Variants in SIN3A observed in about 807,000 individuals in gnomAD.
The protein encoded by SIN3A is SIN3 transcription regulator family member A.
Under a neutral mutation model 146.1 loss-of-function variants are expected in SIN3A, and 14 were observed. That is an observed-to-expected ratio of 0.10 (90% confidence interval 0.06 to 0.15). The LOEUF (loss-of-function observed/expected upper bound fraction) is 0.15, where lower values mean the gene tolerates loss of function less well. Ranked by LOEUF, SIN3A falls within the 10% of genes least tolerant of loss-of-function variation. The probability of loss-of-function intolerance (pLI) is 1.00; values close to 1 mark genes in which losing one functional copy is unlikely to be tolerated. For missense variants in SIN3A, 1,028 were observed against 1,576.0 expected (o/e 0.65, Z 5.89); for synonymous variants, 572 against 572.0 (o/e 1.00, Z 0.00).
chr15:75,370,755 A>G lies in SIN3A; in HGVS notation c.*1224T>C, dbSNP rs1420512316. On this transcript the variant is annotated 3_prime_UTR_variant, in exon 21 of 21. Coordinates refer to ENST00000394947, the MANE Select transcript of SIN3A (RefSeq NM_001145358.2). The stretch of plus-strand genomic sequence containing the variant: ...ATTTTCAGATTATTTGAACAAGGGA[A>G]AAAAACACGTACTAAAAGACTTAAG... 6.6e-6 allele frequency: 1 copy of G among 152,196 alleles called. No homozygotes were observed. Among genetic ancestry groups the G allele is most frequent in the Non-Finnish European group, 1.5e-5 (1 of 68,034 alleles). 9.4% of individuals were successfully genotyped at this position (152,196 alleles called of 1,614,324 possible).
chr15:75,437,477 T>C (rs1044907710), intron 1 of SIN3A, among the ~76,000 whole-genome samples: 1 of 152,158 alleles, frequency 6.6e-6, no homozygotes, highest in Non-Finnish European at 1.5e-5. Context: ...AGACCCCTCT[T>C]TTTTTGAGGG....
At chr15:75,373,526 A>G (rs1274155776) in intron 20 of SIN3A, among the ~76,000 whole-genome samples, 3 of 152,156 alleles carry the variant, frequency 2.0e-5, no homozygotes, top group Non-Finnish European at 4.4e-5. Context: ...ACCCTTTATG[A>G]TGAGCCACAA....
At chr15:75,399,122 G>GT (rs1478281484) in intron 12 of SIN3A, among the ~76,000 whole-genome samples, 1 of 151,918 alleles carries the variant, frequency 6.6e-6, no homozygotes, top group Non-Finnish European at 1.5e-5. Flanking sequence ...GGGGTCTGAG[G>GT]TGGGAGGATC....
chr15:75,454,089 C>T (rs1221340768), upstream of SIN3A: 2 of 152,192 alleles, frequency 1.3e-5, no homozygotes, highest in Non-Finnish European at 2.9e-5. Flanking sequence ...GGGCTACCCG[C>T]CCCACCAATC....
rs59183656 is a variant in SIN3A, at chr15:75,370,963, C to CA, written c.*1015dup. On this transcript the variant is annotated 3_prime_UTR_variant, in exon 21 of 21. Coordinates refer to ENST00000394947, the MANE Select transcript of SIN3A (RefSeq NM_001145358.2). ...GTAAGAACCAAGCTTTATTTATTTA[C>CA]AAAAAAAAAAAAAAAAAAGTTGGGG... is the stretch of plus-strand genomic sequence containing the variant. The CA allele has an allele frequency of 4.2e-4, 51 of 122,302 alleles. No homozygotes were observed. Among genetic ancestry groups the CA allele is most frequent in the African/African-American group, 1.4e-3 (45 of 32,908 alleles). 7.6% of individuals were successfully genotyped at this position (122,302 alleles called of 1,614,324 possible). A position where few individuals can be genotyped will look rare whatever the true frequency, so the allele number is the denominator to read the frequency against.
At position 75,384,366 on chromosome 15, in the gene SIN3A, C is replaced by T. The variant is rs140522414; in HGVS notation, c.3093G>A (p.Gly1031=). ...GTGTGTTCAGCTGGCCTCCGGTGGC[C>T]CCATTATTATTTTCTGCCAGGTAAA... ...TDLYLAENNN[G]ATGGQLNTQN... The change falls in exon 17 of 21, where the codon GGG becomes GGA. Residue 1031 remains glycine (G), a synonymous_variant. Coordinates refer to ENST00000394947, the MANE Select transcript of SIN3A (RefSeq NM_001145358.2). 1,068 of 1,613,596 alleles carry T rather than the reference C, an allele frequency of 6.6e-4. No homozygotes were observed. Among genetic ancestry groups the T allele is most frequent in the Non-Finnish European group, 8.3e-4 (977 of 1,179,660 alleles).
intron 1 of SIN3A, among the ~76,000 whole-genome samples, chr15:75,450,745 G>A (rs538753239): frequency 1.3e-5 from 2 of 152,352 alleles, no homozygotes; most frequent in South Asian, 2.1e-4. Flanking sequence ...CCCAGTCGGC[G>A]GGTGCCCCTC....
At chr15:75,393,386 T>C (rs1472241405) in intron 14 of SIN3A, among the ~76,000 whole-genome samples, 1 of 152,164 alleles carries the variant, frequency 6.6e-6, no homozygotes, top group Non-Finnish European at 1.5e-5. Flanking sequence ...CCATCTTTCT[T>C]TCTTTTTTTT....
Position 75,430,150 on chromosome 15 carries a change from T to C in SIN3A, c.189+37A>G, listed in dbSNP as rs755697868. On this transcript the variant is annotated intron_variant, in intron 2 of 20. Transcript: ENST00000394947. The stretch of plus-strand genomic sequence containing the variant: ...TAATTGCCTAAAACCACTATTTCTC[T>C]TCCCTCATTCTAGTCCCTTGGTTGG... 1.9e-5 allele frequency: 29 copies of C among 1,531,358 alleles called. No homozygotes were observed. In the Admixed American group the frequency reaches 5.0e-4, roughly 26 times the overall value. 94.9% of individuals were successfully genotyped at this position (1,531,358 alleles called of 1,614,324 possible).
At chr15:75,389,883 C>A (rs978330747) in intron 15 of SIN3A, 62 bp from the exon 16 acceptor site, 2 of 1,517,758 alleles carry the variant, frequency 1.3e-6, no homozygotes, top group African/African-American at 1.4e-5. Context: ...GGATAGAGTA[C>A]AGGGCAAATC....
chr15:75,411,538 T>C lies in SIN3A; in HGVS notation c.962A>G (p.Gln321Arg). 1 of 1,614,184 alleles carries C rather than the reference T, an allele frequency of 6.2e-7. No homozygotes were observed. The highest frequency in any genetic ancestry group is 8.5e-7 in the Non-Finnish European group (1 of 1,180,036). Residue 321 changes from glutamine to arginine, a missense_variant, in exon 6 of 21, where the codon CAA becomes CGA. Physicochemically the swap from Gln to Arg is conservative, Grantham distance 43. Around this residue, in one of 9 missense-constraint regions of SIN3A, gnomAD observed 14 missense variants for 54.4 expected, o/e 0.26. Coordinates refer to ENST00000394947, the MANE Select transcript of SIN3A (RefSeq NM_001145358.2). ...VNKIKNRFQG[Q>R]PDIYKAFLEI... ...CAGGAATGCTTTGTAGATGTCTGGT[T>C]GGCCCTGAAATCTGTTCTTGATCTT...
intron 3 of SIN3A, chr15:75,415,242 A>G (rs1236887800): frequency 6.6e-6 from 1 of 152,236 alleles, no homozygotes; most frequent in African/African-American, 2.4e-5. Context: ...TGCATAGATA[A>G]AAAAGCTTTT....
At chr15:75,442,138 A>AC (rs2074224868) in intron 1 of SIN3A, among the ~76,000 whole-genome samples, 1 of 149,596 alleles carries the variant, frequency 6.7e-6, no homozygotes, top group Non-Finnish European at 1.5e-5. Context: ...AAAAAAAAAA[A>AC]AAAAAAAAAA....
intron 1 of SIN3A, among the ~76,000 whole-genome samples, chr15:75,449,580 C>A (rs1567438158): frequency 6.6e-6 from 1 of 152,174 alleles, no homozygotes; most frequent in Non-Finnish European, 1.5e-5. Context: ...GGCTGGAGGG[C>A]AACGCTACAG....
At chr15:75,383,659 G>C (rs916358415) in intron 17 of SIN3A, among the ~76,000 whole-genome samples, 1 of 152,100 alleles carries the variant, frequency 6.6e-6, no homozygotes, top group Non-Finnish European at 1.5e-5. Context: ...CTCCAGAGTA[G>C]CTGGGACTAC....
chr15:75,414,374 AC>A (rs955495357), intron 3 of SIN3A, 63 bp from the exon 4 acceptor site: 43 of 857,836 alleles, frequency 5.0e-5, no homozygotes, highest in African/African-American at 1.5e-4. Context: ...CAAAAAAAAA[AC>A]AAAAACAAAT....
intron 3 of SIN3A, among the ~76,000 whole-genome samples, chr15:75,418,282 G>A (rs1192425610): frequency 1.3e-5 from 2 of 150,014 alleles, no homozygotes; most frequent in African/African-American, 4.9e-5. Flanking sequence ...CGCCCGCCTC[G>A]GCCTCCCAAC....
rs529347892 is a variant in SIN3A, at chr15:75,449,758, G to C, written c.-34+1665C>G. On this transcript the variant is annotated intron_variant, in intron 1 of 20. Coordinates refer to ENST00000394947, the MANE Select transcript of SIN3A (RefSeq NM_001145358.2). ...CTTTTCACCTATAGTTACCTAAATA[G>C]CAAATTCTTTAGGAAACCAAGTTTT... Among the ~76,000 whole-genome samples the C allele has an allele frequency of 3.3e-5, 5 of 152,314 alleles. 1 individual carries two copies. The South Asian group carries it at 1.0e-3, about 32-fold the overall frequency.
intron 19 of SIN3A, chr15:75,376,119 G>A (rs1049215537): frequency 3.6e-6 from 2 of 555,962 alleles, no homozygotes; most frequent in Non-Finnish European, 6.4e-6. Context: ...GAGTTTTAAT[G>A]AGAAACTTCT....
Sources: gnomAD v4.1 joint callset for allele counts (sites outside exome capture counted in the v4.1 genomes callset) on GRCh38, gnomAD v4.1.1 for gene constraint, gnomAD v4.1.1 regional missense constraint, MANE v1.5 for transcripts, NCBI Gene and HGNC (gene_info 2026-07-23, HGNC 2026-07-21) for gene names.